The following SERINC2 variants were observed in gnomAD, a reference collection of about 807,000 sequenced individuals.
The protein encoded by SERINC2 is serine incorporator 2.
SERINC2 carries 56 observed loss-of-function variants against 54.2 expected under a neutral mutation model. The observed-to-expected ratio is 1.03, with a 90% CI of 0.83 to 1.29. The LOEUF is 1.29. Among genes scored for constraint, SERINC2 ranks in the 50% most tolerant of loss-of-function variants. The probability of loss-of-function intolerance (pLI) is 0.00; values close to 1 mark genes in which losing one functional copy is unlikely to be tolerated. For synonymous variants in SERINC2, 272 were observed against 253.1 expected (o/e 1.07, Z -0.71); for missense variants, 614 against 607.4 (o/e 1.01, Z -0.12).
At chr1:31,420,063 C>T (rs185454669) in intron 1 of SERINC2, among the ~76,000 whole-genome samples, 3 of 152,214 alleles carry the variant, frequency 2.0e-5, no homozygotes, top group Admixed American at 1.3e-4. Flanking sequence ...AATGAATTTC[C>T]ATGTGTTTGT....
chr1:31,416,249 A>C (rs1640779453), intron 1 of SERINC2, among the ~76,000 whole-genome samples: 1 of 152,206 alleles, frequency 6.6e-6, no homozygotes, highest in Admixed American at 6.5e-5. Context: ...GCCGGTCCAT[A>C]AACACCCCAC....
intron 3 of SERINC2, among the ~76,000 whole-genome samples, chr1:31,425,129 T>G (rs1334301765): frequency 6.6e-6 from 1 of 152,190 alleles, no homozygotes; most frequent in East Asian, 1.9e-4. Flanking sequence ...TCACCACTGC[T>G]TGGTCCTTCC....
chr1:31,430,840 C>A (rs1641176142), intron 8 of SERINC2, among the ~76,000 whole-genome samples: 1 of 152,170 alleles, frequency 6.6e-6, no homozygotes, highest in Admixed American at 6.6e-5. Context: ...TTCCATCTGC[C>A]CTTAACTCTA....
upstream of SERINC2, chr1:31,410,438 G>C: frequency 6.4e-7 from 1 of 1,550,446 alleles, no homozygotes; most frequent in Non-Finnish European, 8.7e-7. Context: ...GCCACACAGT[G>C]AGTTATGCCT....
chr1:31,410,192 A>C, upstream of SERINC2: 1 of 1,439,056 alleles, frequency 6.9e-7, no homozygotes, highest in South Asian at 1.5e-5. Flanking sequence ...ATAGCTGCTG[A>C]CTGTGACTGT....
rs1641279778 is a variant in SERINC2 at position 31,432,083 on chromosome 1, TTAGGGTGGACAGGGTGGACAGGGTGGA to T, written c.1014-875_1014-849del. On this transcript the variant is annotated intron_variant, in intron 8 of 9. Transcript: ENST00000373709. ...AGGGTGGACAGGGTGGACAGGGTGG[TTAGGGTGGACAGGGTGGACAGGGTGGA>T]TAGGGTGGTTAGGGTGGATAGGGTG... is the stretch of plus-strand genomic sequence containing the variant. Among the ~76,000 whole-genome samples the T allele has an allele frequency of 1.3e-3, 26 of 19,386 alleles. 2 individuals are homozygous for T. The highest frequency in any genetic ancestry group is 3.1e-3 in the African/African-American group (11 of 3,550). The allele number at this position is 19,386 out of a possible 152,430, so 12.7% of individuals were successfully genotyped here. A position where few individuals can be genotyped will look rare whatever the true frequency, so the allele number is the denominator to read the frequency against.
Position 31,433,012 on chromosome 1 carries a change from C to T in SERINC2, c.1059C>T (p.Thr353=), listed in dbSNP as rs782196463. Residue 353 remains threonine (T), a synonymous_variant, in exon 9 of 10, where the codon ACC becomes ACT. Transcript: ENST00000373709. ...GGCAGGTGAACAGCCTGATGCAGAC[C>T]GAGGAGTGCCCACCTATGCTAGACG... is the stretch of plus-strand genomic sequence containing the variant. ...DHRQVNSLMQ[T]EECPPMLDAT... is the part of the protein sequence containing the mutation. The T allele has an allele frequency of 6.5e-5, 104 of 1,609,670 alleles. 1 individual carries two copies. In the South Asian group the frequency reaches 1.1e-3, roughly 16 times the overall value.
intron 1 of SERINC2, among the ~76,000 whole-genome samples, chr1:31,416,284 T>A (rs782527778): frequency 4.6e-5 from 7 of 152,182 alleles, no homozygotes; most frequent in African/African-American, 7.2e-5. Flanking sequence ...CAAGACTACA[T>A]GCAAGGAAGT....
chr1:31,416,422 G>A (rs897137906), intron 1 of SERINC2, among the ~76,000 whole-genome samples: 5 of 152,220 alleles, frequency 3.3e-5, no homozygotes, highest in South Asian at 2.1e-4. Flanking sequence ...GGAGAGACTT[G>A]CCTGAGGTCA....
intron 8 of SERINC2, among the ~76,000 whole-genome samples, chr1:31,432,102 C>CAGGGTGGAG (rs1641285844): frequency 1.5e-4 from 2 of 13,130 alleles, no homozygotes; most frequent in African/African-American, 8.0e-4. Flanking sequence ...ACAGGGTGGA[C>CAGGGTGGAG]AGGGTGGATA....
intron 1 of SERINC2, among the ~76,000 whole-genome samples, chr1:31,419,325 TAGGCTCACA>T (rs1640851978): frequency 1.3e-5 from 2 of 152,226 alleles, no homozygotes; most frequent in Non-Finnish European, 2.9e-5. Flanking sequence ...GAGACTCCAA[TAGGCTCACA>T]AAACCTAAAG....
At chr1:31,433,264 G>A in intron 9 of SERINC2, 79 bp downstream of exon 9, 1 of 1,238,202 alleles carries the variant, frequency 8.1e-7, no homozygotes, top group Non-Finnish European at 1.2e-6. Flanking sequence ...GCCCTTCACT[G>A]GGTTTTCCTG....
intron 8 of SERINC2, among the ~76,000 whole-genome samples, chr1:31,432,745 T>C (rs1486119735): frequency 6.6e-6 from 1 of 152,102 alleles, no homozygotes; most frequent in Non-Finnish European, 1.5e-5. Flanking sequence ...TCCCTTATTT[T>C]ACAGACAAGG....
chr1:31,425,692 T>G, intron 4 of SERINC2, 84 bp from the exon 5 acceptor site: 1 of 1,498,418 alleles, frequency 6.7e-7, no homozygotes, highest in East Asian at 2.3e-5. Context: ...GTGTCCCCGG[T>G]GCAGGGTGTA....
At chr1:31,428,462 T>G (rs1553133918) in intron 6 of SERINC2, among the ~76,000 whole-genome samples, 1 of 152,000 alleles carries the variant, frequency 6.6e-6, no homozygotes, top group Admixed American at 6.6e-5. Flanking sequence ...TATTGCAATG[T>G]GGAACATGAA....
Position 31,413,262 on chromosome 1 carries a change from CG to C in SERINC2, c.-3del. 8.1e-7 allele frequency: 1 copy of C among 1,230,760 alleles called. No individual in the cohort carries two copies. Among genetic ancestry groups the C allele is most frequent in the Non-Finnish European group, 1.0e-6 (1 of 986,600 alleles). 76.2% of individuals were successfully genotyped at this position (1,230,760 alleles called of 1,614,324 possible). A position where few individuals can be genotyped will look rare whatever the true frequency, so the allele number is the denominator to read the frequency against. On this transcript the variant is annotated 5_prime_UTR_variant, in exon 1 of 10. Coordinates refer to ENST00000373709, the MANE Select transcript of SERINC2 (RefSeq NM_178865.5). This position sits in a 1 kb window ranked among gnomAD's most constrained non-coding sequence, Gnocchi z 5.0. ...CCGGGCGCCCGAAGCCGGGAGCCGC[CG>C]CCATGGGGGCCTGCCTGGGAGCCTG...
In SERINC2 at chr1:31,434,537, A is replaced by T; in HGVS notation, c.*338A>T. ...GCGGGGCTGCTGGAGAGAGCGGGGA[A>T]CTCCCACCACAGTGGGGCATCCGGC... is the stretch of plus-strand genomic sequence containing the variant. On this transcript the variant is annotated 3_prime_UTR_variant, in exon 10 of 10. Transcript: ENST00000373709. The T allele has an allele frequency of 3.6e-6, 1 of 281,584 alleles. No individual in the cohort carries two copies. The highest frequency in any genetic ancestry group is 6.7e-6 in the Non-Finnish European group (1 of 148,430). The allele number at this position is 281,584 out of a possible 1,614,324, so 17.4% of individuals were successfully genotyped here. A position where few individuals can be genotyped will look rare whatever the true frequency, so the allele number is the denominator to read the frequency against.
intron 1 of SERINC2, chr1:31,415,948 G>T: frequency 1.0e-6 from 1 of 982,468 alleles, no homozygotes; most frequent in Non-Finnish European, 1.2e-6. Context: ...TGGGTCCACA[G>T]GGGATGGGGC....
intron 1 of SERINC2, among the ~76,000 whole-genome samples, chr1:31,415,639 A>G (rs1640764772): frequency 6.6e-6 from 1 of 152,216 alleles, no homozygotes; most frequent in African/African-American, 2.4e-5. Flanking sequence ...AGATGAGGAA[A>G]CTGGCTCAGA....
Sources: allele counts gnomAD v4.1 joint callset (sites outside exome capture counted in the v4.1 genomes callset), GRCh38; gene constraint gnomAD v4.1.1; non-coding constraint Gnocchi (gnomAD v3.1); transcripts MANE v1.5; gene names NCBI Gene and HGNC (gene_info 2026-07-23, HGNC 2026-07-21).